The following MSI2 variants were observed in gnomAD, a reference collection of about 807,000 sequenced individuals.
MSI2 encodes the protein RNA-binding protein Musashi homolog 2.
A neutral mutation model predicts 45.6 loss-of-function variants in MSI2; 17 were observed. The ratio of observed to expected loss-of-function variants is 0.37; its 90% CI spans 0.26 to 0.56. The LOEUF is 0.56. MSI2 is among the 20% of genes least tolerant of loss of function. The pLI is 0.77. For synonymous variants in MSI2, 156 were observed against 158.2 expected (o/e 0.99, Z 0.11); for missense variants, 293 against 444.2 (o/e 0.66, Z 3.06).
rs1035616839 is a variant in MSI2, at chr17:57,681,732, T to C, written c.*2215T>C. The C allele has an allele frequency of 5.2e-6, 1 of 192,624 alleles. No homozygotes were observed. Among genetic ancestry groups the C allele is most frequent in the African/African-American group, 2.3e-5 (1 of 42,878 alleles). The allele number at this position is 192,624 out of a possible 1,614,324, so 11.9% of individuals were successfully genotyped here. A position where few individuals can be genotyped will look rare whatever the true frequency, so the allele number is the denominator to read the frequency against. On this transcript the variant is annotated 3_prime_UTR_variant, in exon 14 of 14. Coordinates refer to ENST00000284073, the MANE Select transcript of MSI2 (RefSeq NM_138962.4). ...TTTCCTTTCTTTGTTTCTTTTCTTT[T>C]CCCCCAAACAACCAGATTAAATGCT...
chr17:57,546,772 A>T (rs1046035938), intron 7 of MSI2, among the ~76,000 whole-genome samples: 2 of 152,168 alleles, frequency 1.3e-5, no homozygotes. Context: ...CCCCTGCCCC[A>T]GGAGAGGTAC....
At chr17:57,321,280 G>A (rs956374597) in intron 5 of MSI2, among the ~76,000 whole-genome samples, 4 of 151,958 alleles carry the variant, frequency 2.6e-5, no homozygotes, top group East Asian at 1.9e-4. Context: ...CAATCTCTCC[G>A]TTGTTACTGT....
intron 5 of MSI2, among the ~76,000 whole-genome samples, chr17:57,379,255 A>G (rs1299688217): frequency 6.6e-6 from 1 of 150,508 alleles, no homozygotes. Flanking sequence ...AAAAACTACC[A>G]CCTGCCTCTA....
At chr17:57,691,619 T>G in the MSI2 span, among the ~76,000 whole-genome samples, 1 of 152,304 alleles carries the variant, frequency 6.6e-6, no homozygotes, top group South Asian at 2.1e-4. Flanking sequence ...AAAGGGTACT[T>G]AACTTAAAAT....
intron 6 of MSI2, among the ~76,000 whole-genome samples, chr17:57,408,764 A>G (rs1024378287): frequency 6.6e-6 from 1 of 152,176 alleles, no homozygotes; most frequent in East Asian, 1.9e-4. Context: ...TCATGGTTCA[A>G]GCTTGTGCCA....
At chr17:57,578,643 A>C (rs2088117100) in intron 7 of MSI2, among the ~76,000 whole-genome samples, 1 of 152,048 alleles carries the variant, frequency 6.6e-6, no homozygotes, top group Non-Finnish European at 1.5e-5. Flanking sequence ...AGGAGTAAAA[A>C]CAAGAGAGAC....
intron 5 of MSI2, among the ~76,000 whole-genome samples, chr17:57,331,206 G>T (rs1053334556): frequency 6.6e-6 from 1 of 152,170 alleles, no homozygotes; most frequent in African/African-American, 2.4e-5. Context: ...GAGCCACTGC[G>T]CCTGGCCATG....
At chr17:57,431,506 T>C (rs2084593290) in intron 6 of MSI2, among the ~76,000 whole-genome samples, 1 of 152,184 alleles carries the variant, frequency 6.6e-6, no homozygotes, top group Non-Finnish European at 1.5e-5. Flanking sequence ...TGTTGTAGCA[T>C]GGTCGGTGCG....
chr17:57,282,567 T>A (rs1909515071), intron 5 of MSI2, among the ~76,000 whole-genome samples: 1 of 152,098 alleles, frequency 6.6e-6, no homozygotes, highest in South Asian at 2.1e-4. Flanking sequence ...TCGAGATCAT[T>A]TTTTTATGGC....
chr17:57,521,764 C>G (rs2144011627), intron 6 of MSI2, among the ~76,000 whole-genome samples: 1 of 152,262 alleles, frequency 6.6e-6, no homozygotes, highest in African/African-American at 2.4e-5. Flanking sequence ...TTAAAAAATC[C>G]TCTTTCGGGC....
chr17:57,396,127 A>G (rs1203457080), intron 5 of MSI2, among the ~76,000 whole-genome samples: 3 of 152,212 alleles, frequency 2.0e-5, no homozygotes, highest in Non-Finnish European at 4.4e-5. Flanking sequence ...GAACATGATA[A>G]TAGCCAGAGC....
chr17:57,668,272 G>A (rs950224413), intron 11 of MSI2, among the ~76,000 whole-genome samples: 5 of 152,158 alleles, frequency 3.3e-5, no homozygotes, highest in Admixed American at 2.6e-4. Context: ...CCGAATGGTA[G>A]TGTGCTTCCC....
In MSI2 at chr17:57,596,185, G is replaced by T. The variant is rs1164546119; in HGVS notation, c.455-683G>T. On this transcript the variant is annotated intron_variant, in intron 7 of 13. Coordinates refer to ENST00000284073, the MANE Select transcript of MSI2 (RefSeq NM_138962.4). This position sits in a 1 kb window ranked among gnomAD's most constrained non-coding sequence, Gnocchi z 4.6. ...GAACTGAGGATACTGAGCAGCAGTC[G>T]CCTGCCAAAATTCTTCAGTGCAGCT... Among the ~76,000 whole-genome samples, 2 of 152,216 alleles carry T rather than the reference G, an allele frequency of 1.3e-5. No homozygotes were observed. Among genetic ancestry groups the T allele is most frequent in the Non-Finnish European group, 2.9e-5 (2 of 68,036 alleles).
chr17:57,674,551 C>T (rs1032821275), intron 11 of MSI2, among the ~76,000 whole-genome samples: 35 of 151,626 alleles, frequency 2.3e-4, no homozygotes, highest in African/African-American at 8.2e-4. Flanking sequence ...GCTGTCTCAA[C>T]GTGCCCAGAT....
chr17:57,645,579 G>A (rs976104489), intron 10 of MSI2, among the ~76,000 whole-genome samples: 5 of 151,516 alleles, frequency 3.3e-5, no homozygotes, highest in African/African-American at 1.2e-4. Context: ...GGGATTAAAG[G>A]TGCCCACCAC....
At chr17:57,662,679 A>T (rs975372119) in intron 11 of MSI2, among the ~76,000 whole-genome samples, 1 of 152,210 alleles carries the variant, frequency 6.6e-6, no homozygotes, top group Non-Finnish European at 1.5e-5. Context: ...CAGACACTCA[A>T]GAAAAAACCA....
At chr17:57,672,710 A>T (rs1912890495) in intron 11 of MSI2, among the ~76,000 whole-genome samples, 1 of 152,166 alleles carries the variant, frequency 6.6e-6, no homozygotes, top group Non-Finnish European at 1.5e-5. Context: ...TAATTAGTTT[A>T]TTTGTATAGG....
At position 57,529,772 on chromosome 17, in the gene MSI2, T is replaced by G. The variant is rs544921344; in HGVS notation, c.454+48T>G. Reference sequence around the variant, plus strand: ...GGGTTGCGTTCACCCTCTCCTGGCCTCTCTGTCTGTCATCCCCAGTCCCAC... The same window carrying G: ...GGGTTGCGTTCACCCTCTCCTGGCCGCTCTGTCTGTCATCCCCAGTCCCAC... On this transcript the variant is annotated intron_variant, in intron 7 of 13. Transcript: ENST00000284073. The surrounding 1 kb of genome is among the most constrained non-coding windows in gnomAD (Gnocchi z 5.3). 26 of 1,490,284 alleles carry G rather than the reference T, an allele frequency of 1.7e-5. No individual in the cohort carries two copies. The East Asian group carries it at 5.5e-4, about 31-fold the overall frequency. 92.3% of individuals were successfully genotyped at this position (1,490,284 alleles called of 1,614,324 possible). A position where few individuals can be genotyped will look rare whatever the true frequency, so the allele number is the denominator to read the frequency against.
intron 5 of MSI2, among the ~76,000 whole-genome samples, chr17:57,328,652 A>T (rs1377121342): frequency 6.6e-6 from 1 of 152,108 alleles, no homozygotes; most frequent in African/African-American, 2.4e-5. Context: ...ATATAACCTA[A>T]TTTAACTAAT....
Sources: allele counts gnomAD v4.1 joint callset (sites outside exome capture counted in the v4.1 genomes callset), GRCh38; gene constraint gnomAD v4.1.1; non-coding constraint Gnocchi (gnomAD v3.1); transcripts MANE v1.5; gene names NCBI Gene and HGNC (gene_info 2026-07-23, HGNC 2026-07-21).